VPS45: variants seen among roughly 807,000 people sequenced by gnomAD.
The protein encoded by VPS45 is vacuolar protein sorting-associated protein 45.
Under a neutral mutation model 75.9 loss-of-function variants are expected in VPS45, and 35 were observed. The observed-to-expected ratio is 0.46, with a 90% confidence interval of 0.35 to 0.61. The LOEUF is 0.61. VPS45 is among the 20% of genes least tolerant of loss of function. VPS45 has a pLI of 0.00. For synonymous variants in VPS45, 220 were observed against 238.2 expected (o/e 0.92, Z 0.70); for missense variants, 559 against 685.9 (o/e 0.81, Z 2.07).
rs1553802480 is a variant in VPS45 at position 150,093,604 on chromosome 1, G to A, written c.1449G>A (p.Lys483=). ...ATCATCTCATCAAAGGAAGGCTTAAGGAAAACCTATATCCTTATTTAGGCC... is the reference window on the plus strand; with the variant it reads ...ATCATCTCATCAAAGGAAGGCTTAAAGAAAACCTATATCCTTATTTAGGCC... ...TLDHLIKGRL[K]ENLYPYLGPS... is the part of the protein sequence containing the mutation. The change falls in exon 13 of 15, where the codon AAG becomes AAA. Residue 483 remains lysine, a synonymous_variant. Transcript: ENST00000644510. The A allele has an allele frequency of 1.2e-6, 2 of 1,613,886 alleles. No individual in the cohort carries two copies. The highest frequency in any genetic ancestry group is 8.5e-7 in the Non-Finnish European group (1 of 1,179,904).
chr1:150,077,293 CA>C, intron 6 of VPS45, 62 bp downstream of exon 6: 2 of 1,557,766 alleles, frequency 1.3e-6, no homozygotes, highest in Non-Finnish European at 1.7e-6. Context: ...TATCATATTT[CA>C]GAAACTAAAG....
chr1:150,114,467 CA>C (rs1281790882), intron 14 of VPS45, among the ~76,000 whole-genome samples: 117,442 of 122,810 alleles, frequency 0.96, 56,171 homozygotes, highest in South Asian at 0.99. Context: ...AACACCATCT[CA>C]AAAAAAAAAA....
intron 14 of VPS45, among the ~76,000 whole-genome samples, chr1:150,119,091 A>C (rs1182013718): frequency 6.6e-6 from 1 of 152,222 alleles, no homozygotes; most frequent in African/African-American, 2.4e-5. Flanking sequence ...AAGATTATGG[A>C]ATTTATATTT....
chr1:150,095,375 C>T (rs1341050006), intron 13 of VPS45, among the ~76,000 whole-genome samples: 3 of 152,008 alleles, frequency 2.0e-5, no homozygotes, highest in Non-Finnish European at 4.4e-5. Flanking sequence ...ACACTTTGGG[C>T]GGCCAAAGCG....
chr1:150,125,002 T>G (rs1658431087), intron 14 of VPS45, among the ~76,000 whole-genome samples: 1 of 151,906 alleles, frequency 6.6e-6, no homozygotes, highest in Admixed American at 6.6e-5. Context: ...TCTTAATGGC[T>G]ATATAATTTT....
intron 3 of VPS45, among the ~76,000 whole-genome samples, chr1:150,074,509 A>C (rs1655259416): frequency 6.6e-6 from 1 of 152,204 alleles, no homozygotes; most frequent in African/African-American, 2.4e-5. Context: ...GGCTATTACA[A>C]ATAAAGCTGC....
chr1:150,110,640 A>G lies in VPS45; in HGVS notation c.1625+13A>G. On this transcript the variant is annotated intron_variant, in intron 14 of 14. Transcript: ENST00000644510. ...ACAACACGAAAAGGTAAAAGAGAAC[A>G]TTCATTCTACAACTGTGTCCTCTTT... 6.3e-7 allele frequency: 1 copy of G among 1,598,542 alleles called. No individual in the cohort carries two copies. The highest frequency in any genetic ancestry group is 8.5e-7 in the Non-Finnish European group (1 of 1,171,490).
chr1:150,100,898 A>G (rs949992093), intron 13 of VPS45, among the ~76,000 whole-genome samples: 6 of 152,208 alleles, frequency 3.9e-5, no homozygotes, highest in African/African-American at 1.4e-4. Context: ...CCTAGGTAAT[A>G]CCATTCTGGA....
At chr1:150,083,655 G>GATATAT (rs10591209) in intron 10 of VPS45, among the ~76,000 whole-genome samples, 3 of 146,978 alleles carry the variant, frequency 2.0e-5, no homozygotes, top group Admixed American at 6.8e-5. Context: ...AATAAATATT[G>GATATAT]ATATATATAT....
chr1:150,069,581 C>A (rs948022672), intron 2 of VPS45, among the ~76,000 whole-genome samples: 2 of 149,978 alleles, frequency 1.3e-5, no homozygotes, highest in Non-Finnish European at 3.0e-5. Context: ...CTCAGCCTCC[C>A]GAGTAGCTGG....
intron 13 of VPS45, chr1:150,099,112 A>T (rs782105280): frequency 1.6e-5 from 16 of 990,820 alleles, no homozygotes; most frequent in Non-Finnish European, 1.9e-5. Context: ...AATTTTAGCC[A>T]TAAGTGTAAT....
intron 10 of VPS45, among the ~76,000 whole-genome samples, chr1:150,091,477 T>C (rs1214546676): frequency 3.3e-5 from 5 of 152,210 alleles, no homozygotes; most frequent in African/African-American, 7.2e-5. Flanking sequence ...TGTTGAGACA[T>C]GTTCTGATGC....
rs587644978 is a variant in VPS45 at position 150,078,807 on chromosome 1, G to A, written c.687+1028G>A. On this transcript the variant is annotated intron_variant, in intron 7 of 14. Coordinates refer to ENST00000644510, the MANE Select transcript of VPS45 (RefSeq NM_007259.5). The stretch of plus-strand genomic sequence containing the variant: ...AATAAAATGATTTATATGAATAATA[G>A]CAAAGAATAAAAAAAAGAAGAGCCG... Among the ~76,000 whole-genome samples the A allele has an allele frequency of 1.5e-4, 23 of 150,410 alleles. No individual in the cohort carries two copies. In the South Asian group the frequency reaches 2.3e-3, roughly 15 times the overall value.
intron 14 of VPS45, among the ~76,000 whole-genome samples, chr1:150,136,369 C>T (rs1309474653): frequency 6.6e-6 from 1 of 151,660 alleles, no homozygotes; most frequent in Non-Finnish European, 1.5e-5. Context: ...GCCTGGCCAA[C>T]ATGGTGAAAC....
rs781845454 is a variant in VPS45 at position 150,129,641 on chromosome 1, C to T, written c.1626-15068C>T. On this transcript the variant is annotated intron_variant, in intron 14 of 14. Transcript: ENST00000644510. ...GTGACACCACCTCGGCTCACTGCAA[C>T]GCCCGCCTCCCAGGTTCAAGCGATT... 1.3e-4 allele frequency among the ~76,000 whole-genome samples: 20 copies of T among 151,740 alleles called. No homozygotes were observed. The East Asian group carries it at 1.6e-3, about 12-fold the overall frequency.
At chr1:150,077,842 A>G in intron 7 of VPS45, 63 bp downstream of exon 7, 4 of 1,318,204 alleles carry the variant, frequency 3.0e-6, no homozygotes, top group Non-Finnish European at 4.3e-6. Context: ...CAAAATACAG[A>G]TAGGGAAGTA....
chr1:150,080,385 C>G (rs781896266), intron 7 of VPS45, among the ~76,000 whole-genome samples: 3 of 152,032 alleles, frequency 2.0e-5, no homozygotes, highest in Non-Finnish European at 4.4e-5. Flanking sequence ...CTTAAGTGAT[C>G]CACCCACCTC....
intron 14 of VPS45, among the ~76,000 whole-genome samples, chr1:150,126,312 G>A (rs12723224): frequency 0.13 from 20,164 of 151,660 alleles, 1,799 homozygotes; most frequent in Non-Finnish European, 0.2. Flanking sequence ...CCAGGTTCAC[G>A]CCATTGTCCT....
At chr1:150,093,231 T>C (rs1474196658) in intron 12 of VPS45, among the ~76,000 whole-genome samples, 1 of 152,166 alleles carries the variant, frequency 6.6e-6, no homozygotes, top group African/African-American at 2.4e-5. Flanking sequence ...TTATTTGCTC[T>C]ACCTATCATT....
Sources: allele counts gnomAD v4.1 joint callset (sites outside exome capture counted in the v4.1 genomes callset), GRCh38; gene constraint gnomAD v4.1.1; transcripts MANE v1.5; gene names NCBI Gene and HGNC (gene_info 2026-07-23, HGNC 2026-07-21).